NEGR1: variants seen among roughly 807,000 people sequenced by gnomAD.
NEGR1 encodes IgLON family member 4.
In NEGR1, 10 loss-of-function variants were observed where a neutral mutation model predicts 40.9. The observed-to-expected ratio is 0.24, with a 90% CI of 0.15 to 0.42. NEGR1 has a LOEUF of 0.42. NEGR1 is among the 10% of genes least tolerant of loss of function. The pLI, the probability that NEGR1 is intolerant of heterozygous loss-of-function variation, is 1.00. For synonymous variants in NEGR1, 185 were observed against 166.8 expected, an observed-to-expected ratio of 1.11 and a Z score of -0.84; for missense variants, 352 against 438.9, an observed-to-expected ratio of 0.80 and a Z score of 1.77.
chr1:71,643,276 G>A (rs1216852221), intron 4 of NEGR1, among the ~76,000 whole-genome samples: 1 of 151,950 alleles, frequency 6.6e-6, no homozygotes, highest in Non-Finnish European at 1.5e-5. Flanking sequence ...GAACATTAAT[G>A]CAACGTATTT....
At chr1:72,112,438 A>C (rs922166293) in intron 1 of NEGR1, among the ~76,000 whole-genome samples, 11 of 151,682 alleles carry the variant, frequency 7.3e-5, no homozygotes, top group African/African-American at 2.4e-4. Flanking sequence ...TTTATTTTAT[A>C]ATATCCTACT....
At chr1:72,110,540 C>G (rs115053802) in intron 1 of NEGR1, among the ~76,000 whole-genome samples, 1 of 151,592 alleles carries the variant, frequency 6.6e-6, no homozygotes, top group East Asian at 1.9e-4. Flanking sequence ...CACTTTTCAA[C>G]GCTGAATTAT....
At chr1:72,251,219 G>A (rs1019959940) in intron 1 of NEGR1, among the ~76,000 whole-genome samples, 1 of 152,124 alleles carries the variant, frequency 6.6e-6, no homozygotes, top group African/African-American at 2.4e-5. Flanking sequence ...GCACCTTAAA[G>A]ATATCATATA....
intron 4 of NEGR1, among the ~76,000 whole-genome samples, chr1:71,675,802 T>TG (rs1652610864): frequency 2.1e-4 from 1 of 4,852 alleles, no homozygotes; most frequent in South Asian, 0.083. Flanking sequence ...TTTTGTTTTT[T>TG]GTTTTTTTTT....
chr1:71,814,261 C>T (rs997777772), intron 2 of NEGR1, among the ~76,000 whole-genome samples: 7 of 151,932 alleles, frequency 4.6e-5, no homozygotes, highest in African/African-American at 1.2e-4. Flanking sequence ...GGGATGAAGC[C>T]GACTTTATCA....
chr1:71,575,963 A>G (rs1395605860), intron 6 of NEGR1, among the ~76,000 whole-genome samples: 1 of 152,170 alleles, frequency 6.6e-6, no homozygotes, highest in Non-Finnish European at 1.5e-5. Flanking sequence ...TCAACCTTTA[A>G]AGAGAGTTCT....
At chr1:72,127,163 G>A (rs1206536669) in intron 1 of NEGR1, among the ~76,000 whole-genome samples, 2 of 152,162 alleles carry the variant, frequency 1.3e-5, no homozygotes, top group Non-Finnish European at 2.9e-5. Flanking sequence ...TTTAAAAAGT[G>A]AGAATTGCGG....
At chr1:71,995,084 C>G (rs1410799277) in intron 1 of NEGR1, among the ~76,000 whole-genome samples, 1 of 149,216 alleles carries the variant, frequency 6.7e-6, no homozygotes, top group African/African-American at 2.5e-5. Context: ...GATCAAATGT[C>G]TTTCGTGAGC....
At chr1:71,462,717 G>A (rs974633979) in intron 6 of NEGR1, among the ~76,000 whole-genome samples, 2 of 152,232 alleles carry the variant, frequency 1.3e-5, no homozygotes, top group Admixed American at 6.5e-5. Context: ...TTTAGATGCA[G>A]CTTCTTAAAA....
intron 1 of NEGR1, among the ~76,000 whole-genome samples, chr1:72,147,657 C>T (rs1650960668): frequency 6.6e-6 from 1 of 152,120 alleles, no homozygotes; most frequent in Non-Finnish European, 1.5e-5. Flanking sequence ...CAAAGTCTGA[C>T]TGAGACAAGA....
At chr1:71,506,017 A>T (rs1461663258) in intron 6 of NEGR1, among the ~76,000 whole-genome samples, 1 of 152,224 alleles carries the variant, frequency 6.6e-6, no homozygotes, top group East Asian at 1.9e-4. Context: ...TAGTGAAGGG[A>T]AGCAGAGAAT....
intron 1 of NEGR1, among the ~76,000 whole-genome samples, chr1:72,038,311 G>T (rs2100451598): frequency 6.6e-6 from 1 of 152,086 alleles, no homozygotes; most frequent in East Asian, 1.9e-4. Context: ...GCCTAAATAT[G>T]ATTATATTTG....
At chr1:71,661,760 G>C (rs993327436) in intron 4 of NEGR1, among the ~76,000 whole-genome samples, 6 of 152,098 alleles carry the variant, frequency 3.9e-5, no homozygotes, top group African/African-American at 1.4e-4. Context: ...TATATTAATA[G>C]AGTTAAAAAT....
At chr1:71,531,191 C>T (rs753334016) in intron 6 of NEGR1, among the ~76,000 whole-genome samples, 1 of 151,178 alleles carries the variant, frequency 6.6e-6, no homozygotes, top group Non-Finnish European at 1.5e-5. Flanking sequence ...CCCAATAAAA[C>T]CTTTTCCAAA....
chr1:72,103,811 T>A (rs1028955203), intron 1 of NEGR1, among the ~76,000 whole-genome samples: 1 of 152,018 alleles, frequency 6.6e-6, no homozygotes, highest in Non-Finnish European at 1.5e-5. Flanking sequence ...ACAGGAGTGA[T>A]AAAGAAGTAG....
At chr1:71,671,493 A>C (rs891693801) in intron 4 of NEGR1, among the ~76,000 whole-genome samples, 1 of 152,220 alleles carries the variant, frequency 6.6e-6, no homozygotes, top group Non-Finnish European at 1.5e-5. Flanking sequence ...TATGTAAACA[A>C]AGAGGAAATA....
chr1:71,650,178 A>T (rs978216915), intron 4 of NEGR1, among the ~76,000 whole-genome samples: 1 of 152,152 alleles, frequency 6.6e-6, no homozygotes, highest in Non-Finnish European at 1.5e-5. Context: ...TTATACTCTT[A>T]GAGGTGGAAA....
At chr1:71,874,807 A>G (rs1570455980) in intron 2 of NEGR1, among the ~76,000 whole-genome samples, 1 of 152,236 alleles carries the variant, frequency 6.6e-6, no homozygotes, top group East Asian at 1.9e-4. Context: ...TTGATTGCTG[A>G]GGAAACTTTT....
intron 3 of NEGR1, among the ~76,000 whole-genome samples, chr1:71,699,884 G>A (rs1309463361): frequency 6.6e-6 from 1 of 151,774 alleles, no homozygotes; most frequent in Non-Finnish European, 1.5e-5. Flanking sequence ...TTTATCAGGG[G>A]TTTCTGCTTT....
Sources: allele counts gnomAD v4.1 joint callset (sites outside exome capture counted in the v4.1 genomes callset), GRCh38; gene constraint gnomAD v4.1.1; transcripts MANE v1.5; gene names NCBI Gene and HGNC (gene_info 2026-07-23, HGNC 2026-07-21).